Variants in DCT observed in about 807,000 individuals in gnomAD.
DCT encodes L-dopachrome tautomerase.
Under a neutral mutation model 53.0 loss-of-function variants are expected in DCT, and 47 were observed. The observed-to-expected ratio is 0.89, with a 90% CI of 0.70 to 1.13. The LOEUF is 1.13. Ranked by LOEUF, DCT falls within the 50% of genes most tolerant of loss-of-function variation. The probability of loss-of-function intolerance (pLI) is 0.00; values close to 1 mark genes in which losing one functional copy is unlikely to be tolerated. For synonymous variants in DCT, 244 were observed against 237.0 expected, an observed-to-expected ratio of 1.03 and a Z score of -0.27; for missense variants, 669 against 637.4, an observed-to-expected ratio of 1.05 and a Z score of -0.53.
At chr13:94,490,504 CAA>C in the DCT span, among the ~76,000 whole-genome samples, 956 of 35,448 alleles carry the variant, frequency 0.027, 7 homozygotes, top group African/African-American at 0.096. Context: ...GACTCGGTCT[CAA>C]AAAAAAAAAA....
At chr13:94,501,723 C>G in the DCT span, among the ~76,000 whole-genome samples, 20 of 151,338 alleles carry the variant, frequency 1.3e-4, no homozygotes, top group African/African-American at 4.9e-4. Flanking sequence ...ACCAAACCTG[C>G]GAGAGTGAGG....
intron 6 of DCT, among the ~76,000 whole-genome samples, chr13:94,454,353 A>C (rs895940165): frequency 6.6e-6 from 1 of 152,222 alleles, no homozygotes; most frequent in African/African-American, 2.4e-5. Flanking sequence ...ATCTTTAGGA[A>C]TTGGGAAGGA....
intron 6 of DCT, chr13:94,444,279 C>A: frequency 3.0e-6 from 1 of 331,948 alleles, no homozygotes; most frequent in Non-Finnish European, 6.0e-6. Flanking sequence ...AAATCCCAAA[C>A]ACTTCTGGTC....
At chr13:94,547,984 A>AAAAAAATAT in the DCT span, among the ~76,000 whole-genome samples, 59 of 65,814 alleles carry the variant, frequency 9.0e-4, 1 homozygote, top group African/African-American at 6.6e-3. Flanking sequence ...AAAAAAAAAA[A>AAAAAAATAT]ATATATATAT....
At chr13:94,511,825 AGT>A in the DCT span, among the ~76,000 whole-genome samples, 9,696 of 143,522 alleles carry the variant, frequency 0.068, 393 homozygotes, top group Admixed American at 0.16. Flanking sequence ...CAGCATTGTC[AGT>A]GTGTGTGTGT....
chr13:94,463,474 A>G (rs1883953665), intron 4 of DCT, among the ~76,000 whole-genome samples: 1 of 112,460 alleles, frequency 8.9e-6, no homozygotes, highest in South Asian at 3.2e-4. Context: ...CAGAGCTGTC[A>G]GGCTGGTTGG....
intron 1 of DCT, among the ~76,000 whole-genome samples, chr13:94,469,441 A>C (rs923344353): frequency 2.0e-5 from 3 of 152,158 alleles, no homozygotes; most frequent in African/African-American, 7.2e-5. Context: ...TCAAAAGAAG[A>C]GGAAATTTGG....
chr13:94,485,529 A>G, the DCT span, among the ~76,000 whole-genome samples: 2 of 152,234 alleles, frequency 1.3e-5, no homozygotes, highest in African/African-American at 4.8e-5. Flanking sequence ...AATCCCATCA[A>G]CCTTGCACAA....
At chr13:94,491,085 CAAG>C in the DCT span, among the ~76,000 whole-genome samples, 1 of 152,020 alleles carries the variant, frequency 6.6e-6, no homozygotes, top group East Asian at 1.9e-4. Flanking sequence ...TGTCAGTGAA[CAAG>C]AAAAGTCAGG....
At chr13:94,473,862 T>G (rs1884909164) in intron 1 of DCT, among the ~76,000 whole-genome samples, 1 of 152,236 alleles carries the variant, frequency 6.6e-6, no homozygotes, top group African/African-American at 2.4e-5. Context: ...CCAAGATGTC[T>G]CAGAGAAATT....
At chr13:94,444,333 T>C (rs749008484) in intron 6 of DCT, 5 of 501,002 alleles carry the variant, frequency 1.0e-5, no homozygotes, top group East Asian at 5.6e-5. Context: ...ATCAATATTA[T>C]AATATAAAGG....
the DCT span, among the ~76,000 whole-genome samples, chr13:94,544,616 A>G: frequency 2.0e-5 from 3 of 152,248 alleles, no homozygotes; most frequent in Non-Finnish European, 2.9e-5. Context: ...CCATTAGAAA[A>G]GGAAGTTAAA....
At chr13:94,468,722 C>G in intron 2 of DCT, 24 bp downstream of exon 2, 1 of 1,602,480 alleles carries the variant, frequency 6.2e-7, no homozygotes, top group Non-Finnish European at 8.5e-7. Flanking sequence ...TAATAATATA[C>G]CTTCAGCCAA....
chr13:94,544,181 A>AT, the DCT span, among the ~76,000 whole-genome samples: 42 of 151,438 alleles, frequency 2.8e-4, no homozygotes, highest in South Asian at 8.3e-4. Context: ...AGTAGCATGT[A>AT]TTTTTTTTTA....
chr13:94,483,272 C>T (rs1385874724), upstream of DCT, among the ~76,000 whole-genome samples: 4 of 151,038 alleles, frequency 2.6e-5, no homozygotes, highest in African/African-American at 9.7e-5. Context: ...GAGACCCTGT[C>T]TCAAATAAAT....
At position 94,479,190 on chromosome 13, in the gene DCT, C is replaced by G. The variant is rs958559642; in HGVS notation, c.66G>C (p.Gln22His). 3.3e-5 allele frequency: 53 copies of G among 1,610,238 alleles called. No homozygotes were observed. The highest frequency in any genetic ancestry group is 1.7e-4 in the Middle Eastern group (1 of 6,050). Residue 22 changes from glutamine (Q) to histidine (H), a missense_variant, in exon 1 of 8, where the codon CAG becomes CAC. By Grantham distance (24) the Gln-to-His change is conservative. Coordinates refer to ENST00000377028, the MANE Select transcript of DCT (RefSeq NM_001922.5). ...TCATGCAGACTCGGGGGAACTGACCCTGGGCTCCTGGCAGGATTTTGCAGC... is the reference window on the plus strand; with the variant it reads ...TCATGCAGACTCGGGGGAACTGACCGTGGGCTCCTGGCAGGATTTTGCAGC... ...CLGCKILPGA[Q>H]GQFPRVCMTV...
intron 7 of DCT, among the ~76,000 whole-genome samples, chr13:94,442,308 T>C (rs1412427993): frequency 6.6e-6 from 1 of 152,056 alleles, no homozygotes; most frequent in Non-Finnish European, 1.5e-5. Flanking sequence ...TTTGTTTTTG[T>C]TTTTTTGGGT....
At chr13:94,544,180 TA>T in the DCT span, among the ~76,000 whole-genome samples, 3 of 152,156 alleles carry the variant, frequency 2.0e-5, no homozygotes, top group Non-Finnish European at 2.9e-5. Context: ...TAGTAGCATG[TA>T]TTTTTTTTTA....
chr13:94,518,166 G>GAAGGAAGGAAAGAAGA, the DCT span, among the ~76,000 whole-genome samples: 1,507 of 143,162 alleles, frequency 0.011, 86 homozygotes, highest in African/African-American at 0.04. Context: ...ATGAAGGAAG[G>GAAGGAAGGAAAGAAGA]AAGGAAGAAA....
Sources: allele counts gnomAD v4.1 joint callset (sites outside exome capture counted in the v4.1 genomes callset), GRCh38; gene constraint gnomAD v4.1.1; transcripts MANE v1.5; gene names NCBI Gene and HGNC (gene_info 2026-07-23, HGNC 2026-07-21).